The following MYO18B variants were observed in gnomAD, a reference collection of about 807,000 sequenced individuals.
MYO18B encodes myosin XVIIIB.
Under a neutral mutation model 273.0 loss-of-function variants are expected in MYO18B, and 204 were observed. That is an observed-to-expected ratio of 0.75 (90% CI 0.67 to 0.84). The LOEUF (loss-of-function observed/expected upper bound fraction) is 0.84. Among genes scored for constraint, MYO18B ranks in the 40% least tolerant of loss-of-function variants. The pLI, the probability that MYO18B is intolerant of heterozygous loss-of-function variation, is 0.00. For synonymous variants in MYO18B, 1,330 were observed against 1,305.7 expected, an observed-to-expected ratio of 1.02 and a Z score of -0.40; for missense variants, 3,212 against 3,287.6, an observed-to-expected ratio of 0.98 and a Z score of 0.56.
chr22:25,994,303 C>T (rs1312889382), intron 40 of MYO18B, among the ~76,000 whole-genome samples: 1 of 152,060 alleles, frequency 6.6e-6, no homozygotes, highest in African/African-American at 2.4e-5. Context: ...TCCATCTCTA[C>T]AAAAACTCCT....
At chr22:25,785,346 G>C in intron 10 of MYO18B, 82 bp from the exon 11 acceptor site, 1 of 1,383,244 alleles carries the variant, frequency 7.2e-7, no homozygotes, top group Non-Finnish European at 1.0e-6. Flanking sequence ...GTTGTGTGGA[G>C]CCTCACACTG....
At chr22:26,062,953 G>A in the MYO18B span, among the ~76,000 whole-genome samples, 4 of 152,160 alleles carry the variant, frequency 2.6e-5, no homozygotes, top group African/African-American at 7.2e-5. Flanking sequence ...AAGCCAGGTC[G>A]CAGTCTCAAC....
the MYO18B span, among the ~76,000 whole-genome samples, chr22:26,049,782 T>C: frequency 6.6e-6 from 1 of 152,176 alleles, no homozygotes; most frequent in African/African-American, 2.4e-5. Context: ...CTTAGGCAAA[T>C]CATGTTACCT....
chr22:25,780,609 A>G (rs1343897161), intron 9 of MYO18B, among the ~76,000 whole-genome samples: 4 of 147,380 alleles, frequency 2.7e-5, no homozygotes, highest in Non-Finnish European at 6.0e-5. Context: ...AAAAAAAAAA[A>G]AAAAAAAAAA....
At chr22:25,922,890 C>CCAAAA (rs1260383442) in intron 34 of MYO18B, among the ~76,000 whole-genome samples, 1 of 152,208 alleles carries the variant, frequency 6.6e-6, no homozygotes, top group African/African-American at 2.4e-5. Flanking sequence ...AAGACCTCAA[C>CCAAAA]CAAAACAAAA....
intron 12 of MYO18B, among the ~76,000 whole-genome samples, chr22:25,816,058 G>A (rs575006779): frequency 2.0e-5 from 3 of 152,224 alleles, no homozygotes; most frequent in Non-Finnish European, 2.9e-5. Flanking sequence ...CATGGCACCT[G>A]AGGGCAGCAG....
intron 3 of MYO18B, among the ~76,000 whole-genome samples, chr22:25,765,327 C>T (rs916400224): frequency 3.3e-5 from 5 of 152,220 alleles, no homozygotes; most frequent in Admixed American, 6.5e-5. Context: ...TAAATAACTC[C>T]GTACTCTCTT....
chr22:25,833,130 C>A, intron 16 of MYO18B, 133 bp downstream of exon 16: 1 of 792,262 alleles, frequency 1.3e-6, no homozygotes, highest in Non-Finnish European at 2.1e-6. Context: ...TCATTGGCAA[C>A]GTGGATGCCT....
chr22:25,859,782 A>C (rs970456601), intron 21 of MYO18B, among the ~76,000 whole-genome samples: 2 of 152,104 alleles, frequency 1.3e-5, no homozygotes, highest in Admixed American at 1.3e-4. Flanking sequence ...TGTATCTTTG[A>C]AAATATTTTC....
chr22:25,884,864 A>G (rs1002093238), intron 25 of MYO18B: 9 of 152,276 alleles, frequency 5.9e-5, no homozygotes, highest in Admixed American at 3.3e-4. Flanking sequence ...AATGGTAATC[A>G]TTACTTCATC....
the MYO18B span, among the ~76,000 whole-genome samples, chr22:26,052,795 G>T: frequency 7.7e-5 from 11 of 141,980 alleles, no homozygotes; most frequent in Non-Finnish European, 1.4e-4. Context: ...GAATTGGGTG[G>T]TTTTTTTTTT....
At chr22:26,019,052 T>A (rs928319802) in intron 42 of MYO18B, among the ~76,000 whole-genome samples, 1 of 152,204 alleles carries the variant, frequency 6.6e-6, no homozygotes, top group African/African-American at 2.4e-5. Context: ...TGCTTCACAG[T>A]TTCTCTGGAA....
chr22:25,776,308 G>A (rs755596957), intron 7 of MYO18B, among the ~76,000 whole-genome samples: 8 of 152,186 alleles, frequency 5.3e-5, no homozygotes, highest in East Asian at 1.9e-4. Flanking sequence ...GGACTAAAAC[G>A]TTTTCTGGGA....
chr22:25,770,816 CT>C, intron 5 of MYO18B, 55 bp from the exon 6 acceptor site: 1 of 1,328,776 alleles, frequency 7.5e-7, no homozygotes. Context: ...CCTCTTTCCC[CT>C]CTTCCCCTCC....
intron 1 of MYO18B, among the ~76,000 whole-genome samples, chr22:25,754,378 T>C (rs1271487785): frequency 1.3e-5 from 2 of 152,134 alleles, no homozygotes; most frequent in African/African-American, 2.4e-5. Flanking sequence ...CAGGTGGTTA[T>C]GGCGGGGGCG....
chr22:25,931,613 A>G (rs2092502003), intron 34 of MYO18B, among the ~76,000 whole-genome samples: 1 of 151,782 alleles, frequency 6.6e-6, no homozygotes, highest in Non-Finnish European at 1.5e-5. Context: ...GAGACCGGAC[A>G]GGTGGTGGCC....
chr22:25,916,507 A>T (rs2092262793), intron 33 of MYO18B, among the ~76,000 whole-genome samples: 1 of 152,202 alleles, frequency 6.6e-6, no homozygotes. Flanking sequence ...TTTTAGTGCC[A>T]TCTACTAAGT....
intron 25 of MYO18B, chr22:25,884,810 T>C (rs931144236): frequency 2.0e-5 from 3 of 152,186 alleles, no homozygotes; most frequent in Non-Finnish European, 2.9e-5. Flanking sequence ...TGTGGGCAAA[T>C]TCTTCAAGTC....
chr22:25,921,115 C>T (rs542869598), intron 33 of MYO18B, 142 bp from the exon 34 acceptor site: 9 of 793,708 alleles, frequency 1.1e-5, no homozygotes, highest in Admixed American at 5.9e-5. Context: ...AACTGAGGCT[C>T]GGAGAGGAGA....
Sources: gnomAD v4.1 joint callset for allele counts (sites outside exome capture counted in the v4.1 genomes callset) on GRCh38, gnomAD v4.1.1 for gene constraint, MANE v1.5 for transcripts, NCBI Gene and HGNC (gene_info 2026-07-23, HGNC 2026-07-21) for gene names.